The following CCDC201 variants were observed in gnomAD, a reference collection of about 807,000 sequenced individuals.
CCDC201 encodes coiled-coil domain containing 201.
chr7:45,869,823 T>G (rs1373243841), intron 1 of CCDC201, among the ~76,000 whole-genome samples: 11 of 151,450 alleles, frequency 7.3e-5, no homozygotes, highest in South Asian at 2.1e-4. Flanking sequence ...CTCCACATTT[T>G]TTTTTTTTTT....
upstream of CCDC201, among the ~76,000 whole-genome samples, chr7:45,877,974 TG>T (rs1158721297): frequency 6.6e-6 from 1 of 152,128 alleles, no homozygotes; most frequent in Non-Finnish European, 1.5e-5. Context: ...CAAGATACAA[TG>T]GGGGTACAGG....
upstream of CCDC201, among the ~76,000 whole-genome samples, chr7:45,873,479 A>G (rs1786764518): frequency 6.6e-6 from 1 of 152,000 alleles, no homozygotes; most frequent in African/African-American, 2.4e-5. Flanking sequence ...CTTACCAGTC[A>G]GTCCTTCATT....
chr7:45,862,516 A>G (rs548541332), exon 3 of CCDC201: 2 of 152,372 alleles, frequency 1.3e-5, no homozygotes, highest in South Asian at 4.1e-4. Context: ...AAGGGAACAT[A>G]CATCCCTCAC....
intron 2 of CCDC201, among the ~76,000 whole-genome samples, chr7:45,864,935 C>A: frequency 6.6e-6 from 1 of 152,076 alleles, no homozygotes; most frequent in South Asian, 2.1e-4. Flanking sequence ...CTTCCAGAGT[C>A]AGATGGGCCC....
chr7:45,880,425 T>G, the CCDC201 span, among the ~76,000 whole-genome samples: 1 of 152,198 alleles, frequency 6.6e-6, no homozygotes, highest in Non-Finnish European at 1.5e-5. Flanking sequence ...TGGCACCCTG[T>G]GTGATATGCA....
intron 2 of CCDC201, among the ~76,000 whole-genome samples, chr7:45,864,893 C>T (rs1162557742): frequency 6.6e-6 from 1 of 152,036 alleles, no homozygotes; most frequent in African/African-American, 2.4e-5. Flanking sequence ...GAACACAGAG[C>T]CCAAGGTTAG....
chr7:45,873,273 AC>A (rs57993163), upstream of CCDC201, among the ~76,000 whole-genome samples: 14,841 of 57,220 alleles, frequency 0.26, 915 homozygotes, highest in East Asian at 0.32. Context: ...CTTGCGCCCC[AC>A]CCCCCCACCC....
chr7:45,881,031 C>CCCA, the CCDC201 span, among the ~76,000 whole-genome samples: 2 of 152,302 alleles, frequency 1.3e-5, no homozygotes, highest in South Asian at 4.2e-4. Flanking sequence ...ATGGACACTT[C>CCCA]CCACCATCTA....
chr7:45,860,602 T>A (rs1786587109), exon 3 of CCDC201: 1 of 152,242 alleles, frequency 6.6e-6, no homozygotes, highest in Admixed American at 6.5e-5. Context: ...TTTAGAAATC[T>A]TGCCCTATGT....
the CCDC201 span, among the ~76,000 whole-genome samples, chr7:45,879,169 CTGGACTTAAT>C: frequency 6.6e-6 from 1 of 152,194 alleles, no homozygotes; most frequent in East Asian, 1.9e-4. Flanking sequence ...ACTCCTGAGC[CTGGACTTAAT>C]TGTCCATATC....
At chr7:45,869,798 T>C (rs553422791) in intron 1 of CCDC201, among the ~76,000 whole-genome samples, 33 of 151,762 alleles carry the variant, frequency 2.2e-4, no homozygotes, top group African/African-American at 7.5e-4. Flanking sequence ...AAACTGCTAC[T>C]TTACAGTTTA....
At chr7:45,878,518 G>A in the CCDC201 span, among the ~76,000 whole-genome samples, 6 of 152,216 alleles carry the variant, frequency 3.9e-5, no homozygotes, top group Admixed American at 2.6e-4. Context: ...CCAACACCAC[G>A]TGGAAGCCAT....
chr7:45,882,081 A>AACTTCCT, the CCDC201 span, among the ~76,000 whole-genome samples: 2 of 152,182 alleles, frequency 1.3e-5, no homozygotes, highest in East Asian at 3.9e-4. Flanking sequence ...TGTTAAAAAC[A>AACTTCCT]ACTTCCTTTC....
intron 1 of CCDC201, among the ~76,000 whole-genome samples, chr7:45,871,230 T>C (rs1001188515): frequency 6.6e-6 from 1 of 152,230 alleles, no homozygotes; most frequent in African/African-American, 2.4e-5. Context: ...GAATGTGTTT[T>C]TGTTCTCTTT....
At chr7:45,880,776 C>T in the CCDC201 span, among the ~76,000 whole-genome samples, 2,338 of 152,326 alleles carry the variant, frequency 0.015, 24 homozygotes, top group Non-Finnish European at 0.025. Flanking sequence ...GTGTGTGTAG[C>T]GAGTGCAGCA....
At chr7:45,880,890 G>A in the CCDC201 span, among the ~76,000 whole-genome samples, 22 of 152,296 alleles carry the variant, frequency 1.4e-4, 1 homozygote, top group South Asian at 4.4e-3. Context: ...GTGAGTGGCA[G>A]CCCTGGTGTT....
exon 3 of CCDC201, chr7:45,862,661 C>T (rs1303422571): frequency 6.6e-6 from 1 of 152,238 alleles, no homozygotes; most frequent in Non-Finnish European, 1.5e-5. Context: ...ATTGGCCCAA[C>T]TCTTTCCTGA....
intron 1 of CCDC201, among the ~76,000 whole-genome samples, chr7:45,871,261 G>T (rs1374105509): frequency 6.6e-6 from 1 of 152,064 alleles, no homozygotes; most frequent in Non-Finnish European, 1.5e-5. Context: ...TCTTCTGGCT[G>T]GTTGGCCACT....
At chr7:45,872,401 G>A (rs1009455405) in intron 1 of CCDC201, among the ~76,000 whole-genome samples, 3 of 152,202 alleles carry the variant, frequency 2.0e-5, no homozygotes, top group Non-Finnish European at 2.9e-5. Context: ...CTGCAGGATG[G>A]CATTTCCTTT....
Sources: allele counts gnomAD v4.1 joint callset (sites outside exome capture counted in the v4.1 genomes callset), GRCh38; gene constraint gnomAD v4.1.1; transcripts MANE v1.5; gene names NCBI Gene and HGNC (gene_info 2026-07-23, HGNC 2026-07-21).